The following RAF1 variants were observed in gnomAD, a reference collection of about 807,000 sequenced individuals.
The protein encoded by RAF1 is Raf-1 proto-oncogene, serine/threonine kinase, also known as RAF proto-oncogene serine/threonine-protein kinase.
RAF1 carries 27 observed loss-of-function variants against 81.1 expected under a neutral mutation model. The ratio of observed to expected loss-of-function variants is 0.33; its 90% CI spans 0.25 to 0.46. The LOEUF (loss-of-function observed/expected upper bound fraction) is 0.46, where lower values mean the gene tolerates loss of function less well. RAF1 is among the 20% of genes least tolerant of loss of function. RAF1 has a pLI of 1.00. For missense variants in RAF1, 598 were observed against 826.0 expected (o/e 0.72, Z 3.38); for synonymous variants, 298 against 294.0 (o/e 1.01, Z -0.14).
chr3:12,645,359 G>C (rs1467991459), intron 1 of RAF1, among the ~76,000 whole-genome samples: 1 of 151,918 alleles, frequency 6.6e-6, no homozygotes, highest in Non-Finnish European at 1.5e-5. Flanking sequence ...GCTAAAGCAG[G>C]TATTATTCAT....
At chr3:12,597,892 G>A (rs2058733599) in intron 11 of RAF1, among the ~76,000 whole-genome samples, 1 of 151,378 alleles carries the variant, frequency 6.6e-6, no homozygotes, top group South Asian at 2.1e-4. Flanking sequence ...ACTCCAGCCT[G>A]GGCAACAGAG....
Position 12,584,538 on chromosome 3 carries a change from C to T in RAF1, c.1983G>A (p.Thr661=), listed in dbSNP as rs148528418. ...ACTAGAAGACAGGCAGCCTCGGGGACGTGGTCAGCGTGCAAGCATTGATAT... is the reference window on the plus strand; with the variant it reads ...ACTAGAAGACAGGCAGCCTCGGGGATGTGGTCAGCGTGCAAGCATTGATAT... The change falls in exon 18 of 18, where the codon ACG becomes ACA. Residue 661 remains threonine, a synonymous_variant. Transcript: ENST00000442415. The T allele has an allele frequency of 1.5e-5, 25 of 1,614,042 alleles. No individual in the cohort carries two copies. The highest frequency in any genetic ancestry group is 5.5e-5 in the South Asian group (5 of 91,092).
intron 6 of RAF1, among the ~76,000 whole-genome samples, chr3:12,605,807 G>C (rs1003035746): frequency 2.0e-5 from 3 of 152,168 alleles, no homozygotes; most frequent in Non-Finnish European, 4.4e-5. Flanking sequence ...TTTAGCAAAT[G>C]CATCGGCCAC....
chr3:12,650,513 C>T (rs1489564419), intron 1 of RAF1, among the ~76,000 whole-genome samples: 1 of 152,028 alleles, frequency 6.6e-6, no homozygotes, highest in Non-Finnish European at 1.5e-5. Flanking sequence ...TTCATGAATA[C>T]CGAATCACTA....
At chr3:12,633,388 G>A (rs933088565) in intron 1 of RAF1, among the ~76,000 whole-genome samples, 5 of 151,676 alleles carry the variant, frequency 3.3e-5, no homozygotes, top group Non-Finnish European at 5.9e-5. Context: ...TGAGGTGGGA[G>A]GATCACTTGA....
rs879523841 is a variant in RAF1, at chr3:12,662,026, T to TA, written c.-27+1786dup. Among the ~76,000 whole-genome samples, 111 of 143,786 alleles carry TA rather than the reference T, an allele frequency of 7.7e-4. 1 individual carries two copies. Among genetic ancestry groups the TA allele is most frequent in the Middle Eastern group, 7.2e-3 (2 of 278 alleles). The allele number at this position is 143,786 out of a possible 152,430, so 94.3% of individuals were successfully genotyped here. A position where few individuals can be genotyped will look rare whatever the true frequency, so the allele number is the denominator to read the frequency against. ...ATAGTGTGACCCCCTCTCTATTATT[T>TA]AAAAAAAAAAAAAGTTCTGCCTGGC... On this transcript the variant is annotated intron_variant, in intron 1 of 17. Transcript: ENST00000442415.
At chr3:12,588,522 G>A (rs1559404424) in intron 13 of RAF1, 1 of 152,192 alleles carries the variant, frequency 6.6e-6, no homozygotes, top group Non-Finnish European at 1.5e-5. Context: ...TACTGTAGCT[G>A]GTTGTAACAT....
rs140383290 is a variant in RAF1 at position 12,606,928 on chromosome 3, T to A, written c.582-629A>T. Among the ~76,000 whole-genome samples the A allele has an allele frequency of 2.6e-5, 4 of 152,150 alleles. No individual in the cohort carries two copies. In the East Asian group the frequency reaches 7.8e-4, roughly 29 times the overall value. On this transcript the variant is annotated intron_variant, in intron 5 of 17. Transcript: ENST00000442415. The stretch of plus-strand genomic sequence containing the variant: ...CTGGTCTCGAACTCCTGACCTCAGG[T>A]GATTCACCTGCCTTGGCCTCCCAAA...
chr3:12,649,786 G>A (rs554123145), intron 1 of RAF1, among the ~76,000 whole-genome samples: 1 of 152,142 alleles, frequency 6.6e-6, no homozygotes, highest in African/African-American at 2.4e-5. Flanking sequence ...GAGTGCTTGA[G>A]CCCAGGAATT....
At chr3:12,645,169 A>G (rs2060308456) in intron 1 of RAF1, among the ~76,000 whole-genome samples, 1 of 151,836 alleles carries the variant, frequency 6.6e-6, no homozygotes, top group South Asian at 2.1e-4. Flanking sequence ...TTTTGGTATT[A>G]AGGTTTTAAG....
At chr3:12,641,480 A>G (rs528260993) in intron 1 of RAF1, among the ~76,000 whole-genome samples, 2 of 149,692 alleles carry the variant, frequency 1.3e-5, no homozygotes, top group Admixed American at 6.7e-5. Context: ...CCAAAAAAAA[A>G]TGTTTTTTGG....
chr3:12,652,524 G>GA (rs957378455), intron 1 of RAF1, among the ~76,000 whole-genome samples: 12 of 146,418 alleles, frequency 8.2e-5, no homozygotes, highest in Admixed American at 4.8e-4. Flanking sequence ...CGGTCTCAAA[G>GA]AAAAAAAAAA....
Position 12,585,772 on chromosome 3 carries a change from A to G in RAF1, c.1505T>C (p.Val502Ala), listed in dbSNP as rs2125326378. Residue 502 changes from valine (V) to alanine (A), a missense_variant, in exon 15 of 18, where the codon GTG becomes GCG. Transcript: ENST00000442415. ...TGCCAAACCAAAATCTCCAATTTTCACTGTTAAGCCTTCATGGAGAAATAT... is the reference window on the plus strand; with the variant it reads ...TGCCAAACCAAAATCTCCAATTTTCGCTGTTAAGCCTTCATGGAGAAATAT... 1 of 1,613,844 alleles carries G rather than the reference A, an allele frequency of 6.2e-7. No homozygotes were observed. Among genetic ancestry groups the G allele is most frequent in the Non-Finnish European group, 8.5e-7 (1 of 1,179,716 alleles).
intron 11 of RAF1, among the ~76,000 whole-genome samples, chr3:12,598,099 A>G (rs1016007878): frequency 1.3e-5 from 2 of 150,310 alleles, no homozygotes; most frequent in African/African-American, 4.9e-5. Context: ...GCTCACTACA[A>G]CATTCGCCTC....
At chr3:12,647,062 C>T (rs191981458) in intron 1 of RAF1, among the ~76,000 whole-genome samples, 2,205 of 143,360 alleles carry the variant, frequency 0.015, 31 homozygotes, top group Admixed American at 0.046. Flanking sequence ...TTTGGGAGGC[C>T]GAGGCGGGCA....
chr3:12,624,345 C>G (rs569967023), intron 1 of RAF1, among the ~76,000 whole-genome samples: 29 of 152,184 alleles, frequency 1.9e-4, no homozygotes, highest in African/African-American at 7.0e-4. Flanking sequence ...TCTGAAAAAT[C>G]AGGGCAGACA....
At chr3:12,617,233 C>T (rs1341332731) in intron 2 of RAF1, among the ~76,000 whole-genome samples, 2 of 152,218 alleles carry the variant, frequency 1.3e-5, no homozygotes, top group Admixed American at 6.5e-5. Context: ...CTGCCTCAGC[C>T]TCCCAAGTAG....
chr3:12,641,729 T>C (rs915040269), intron 1 of RAF1, among the ~76,000 whole-genome samples: 2 of 152,062 alleles, frequency 1.3e-5, no homozygotes, highest in Admixed American at 6.6e-5. Flanking sequence ...TGAGCTCAAG[T>C]GAGCTACCTG....
rs1289946365 is a variant in RAF1 at position 12,584,031 on chromosome 3, C to CTGTT, written c.*479_*482dup. 26 of 272,822 alleles carry CTGTT rather than the reference C, an allele frequency of 9.5e-5. No homozygotes were observed. Among genetic ancestry groups the CTGTT allele is most frequent in the Admixed American group, 8.0e-4 (17 of 21,314 alleles). The allele number at this position is 272,822 out of a possible 1,614,324, so 16.9% of individuals were successfully genotyped here. ...CGGCCAGAGTCTCGGCAGTCCTGGG[C>CTGTT]TGTTTGGTGCCTTATGTGCAAAATG... On this transcript the variant is annotated 3_prime_UTR_variant, in exon 18 of 18. Transcript: ENST00000442415.
Sources: gnomAD v4.1 joint callset for allele counts (sites outside exome capture counted in the v4.1 genomes callset) on GRCh38, gnomAD v4.1.1 for gene constraint, MANE v1.5 for transcripts, NCBI Gene and HGNC (gene_info 2026-07-23, HGNC 2026-07-21) for gene names.